C3orf52: variants seen among roughly 807,000 people sequenced by gnomAD.
C3orf52 encodes the protein chromosome 3 open reading frame 52, also known as TPA-induced transmembrane protein.
A neutral mutation model predicts 24.8 loss-of-function variants in C3orf52; 22 were observed. The ratio of observed to expected loss-of-function variants is 0.89; its 90% CI spans 0.63 to 1.27. The LOEUF (loss-of-function observed/expected upper bound fraction) is 1.27. Ranked by LOEUF, C3orf52 falls within the 50% of genes most tolerant of loss-of-function variation. C3orf52 has a pLI of 0.00. For synonymous variants in C3orf52, 93 were observed against 100.2 expected (o/e 0.93, Z 0.43); for missense variants, 265 against 260.7 (o/e 1.02, Z -0.11).
chr3:112,089,978 A>G (rs145829399), intron 1 of C3orf52, among the ~76,000 whole-genome samples: 1 of 152,328 alleles, frequency 6.6e-6, no homozygotes, highest in Non-Finnish European at 1.5e-5. Flanking sequence ...TGCAGTTGCA[A>G]ATATCTCCGG....
intron 4 of C3orf52, chr3:112,126,946 G>C (rs2074334999): frequency 1.5e-6 from 2 of 1,351,680 alleles, no homozygotes; most frequent in Non-Finnish European, 2.1e-6. Context: ...GGAAATGTAA[G>C]TCTTATCAAA....
At chr3:112,092,787 T>C (rs1265282427) in intron 1 of C3orf52, among the ~76,000 whole-genome samples, 2 of 152,312 alleles carry the variant, frequency 1.3e-5, no homozygotes, top group Non-Finnish European at 2.9e-5. Flanking sequence ...CAACCCTTTT[T>C]TACATAGAAC....
At chr3:112,119,001 A>C (rs1177356452), downstream of C3orf52, among the ~76,000 whole-genome samples, 2 of 152,230 alleles carry the variant, frequency 1.3e-5, no homozygotes, top group African/African-American at 2.4e-5. Flanking sequence ...AGAAGACAAC[A>C]ATAAGAAAAG....
chr3:112,094,858 C>T (rs1281105462), intron 2 of C3orf52, among the ~76,000 whole-genome samples: 1 of 152,152 alleles, frequency 6.6e-6, no homozygotes, highest in Non-Finnish European at 1.5e-5. Flanking sequence ...GAGCATGATC[C>T]AGCCTTCATG....
chr3:112,111,953 G>A (rs998841926), intron 4 of C3orf52: 1 of 152,236 alleles, frequency 6.6e-6, no homozygotes, highest in Non-Finnish European at 1.5e-5. Flanking sequence ...CACCTTGTAA[G>A]ATCGAAGAGT....
intron 1 of C3orf52, 119 bp from the exon 2 acceptor site, chr3:112,093,241 T>C: frequency 1.0e-6 from 1 of 957,094 alleles, no homozygotes; most frequent in Non-Finnish European, 1.5e-6. Flanking sequence ...TTCAGTAGAG[T>C]GTTGCCCTAA....
downstream of C3orf52, chr3:112,130,377 C>T: frequency 7.8e-7 from 1 of 1,279,676 alleles, no homozygotes; most frequent in Non-Finnish European, 1.1e-6. Flanking sequence ...GATGTGAAGT[C>T]CAGGGCTTGA....
downstream of C3orf52, chr3:112,129,994 T>C (rs2074413586): frequency 6.3e-6 from 1 of 158,820 alleles, no homozygotes; most frequent in Non-Finnish European, 1.4e-5. Context: ...GAGGTGGTCT[T>C]TGTTTAACAA....
intron 1 of C3orf52, among the ~76,000 whole-genome samples, chr3:112,086,791 A>G (rs2073832073): frequency 6.6e-6 from 1 of 152,114 alleles, no homozygotes; most frequent in Non-Finnish European, 1.5e-5. Flanking sequence ...TAGGAATCCT[A>G]GTGGTGAGGT....
chr3:112,104,530 T>C (rs974914414), intron 3 of C3orf52, among the ~76,000 whole-genome samples: 2 of 152,220 alleles, frequency 1.3e-5, no homozygotes, highest in African/African-American at 4.8e-5. Context: ...TCATTGCTTC[T>C]TTTATCACAG....
intron 2 of C3orf52, 135 bp downstream of exon 2, chr3:112,093,624 A>G: frequency 1.2e-6 from 1 of 821,870 alleles, no homozygotes; most frequent in Non-Finnish European, 1.8e-6. Flanking sequence ...CTTGGAATAT[A>G]TTGTATGGGT....
At chr3:112,087,165 G>A (rs1174755674) in intron 1 of C3orf52, among the ~76,000 whole-genome samples, 1 of 152,070 alleles carries the variant, frequency 6.6e-6, no homozygotes, top group Non-Finnish European at 1.5e-5. Context: ...GAGATGGGGC[G>A]GGCGGGTTAG....
chr3:112,128,285 T>C (rs1398633839), exon 5 of C3orf52: 4 of 675,424 alleles, frequency 5.9e-6, no homozygotes, highest in Non-Finnish European at 1.1e-5. Context: ...TTCTGCTGTG[T>C]TCCCAGCAAA....
At position 112,102,911 on chromosome 3, in the gene C3orf52, G is replaced by T. The variant is rs1233017733; in HGVS notation, c.342G>T (p.Lys114Asn). The change falls in exon 3 of 6, where the codon AAG becomes AAT. Residue 114 changes from lysine to asparagine, a missense_variant. Coordinates refer to ENST00000264848, the MANE Select transcript of C3orf52 (RefSeq NM_024616.3). ...ACAAAACATTCTTCATCATGCTGAA[G>T]ATTCCAGAGGAGTGTGTTGCTGAAG... ...SSNKTFFIML[K>N]IPEECVAEEE... 1 of 1,610,430 alleles carries T rather than the reference G, an allele frequency of 6.2e-7. No homozygotes were observed. Among genetic ancestry groups the T allele is most frequent in the African/African-American group, 1.3e-5 (1 of 74,880 alleles).
intron 1 of C3orf52, among the ~76,000 whole-genome samples, chr3:112,091,873 G>A (rs953376478): frequency 5.3e-5 from 8 of 152,032 alleles, no homozygotes; most frequent in Non-Finnish European, 1.5e-5. Context: ...GCGTGGTGGC[G>A]GGCGCCTGTA....
At chr3:112,123,479 A>G in intron 4 of C3orf52, 1 of 1,613,992 alleles carries the variant, frequency 6.2e-7, no homozygotes, top group Non-Finnish European at 8.5e-7. Context: ...ACTGAGTCTC[A>G]GAAGGGGCCA....
intron 2 of C3orf52, among the ~76,000 whole-genome samples, chr3:112,096,276 T>A (rs879258788): frequency 6.6e-6 from 1 of 152,188 alleles, no homozygotes; most frequent in African/African-American, 2.4e-5. Context: ...AAGAAACATT[T>A]AACAGGGTTT....
intron 4 of C3orf52, chr3:112,126,952 T>C (rs1184471171): frequency 1.4e-6 from 2 of 1,442,620 alleles, no homozygotes; most frequent in Middle Eastern, 1.8e-4. Flanking sequence ...GTAAGTCTTA[T>C]CAAAAGTGAA....
In C3orf52 at chr3:112,086,424, C is replaced by T. The variant is rs762728493; in HGVS notation, c.17C>T (p.Pro6Leu). ...TGCCGGCACATGGACCTGGCCCAACCCTCACAGCCAGTAGACGAGCTGGAG... is the reference window on the plus strand; with the variant it reads ...TGCCGGCACATGGACCTGGCCCAACTCTCACAGCCAGTAGACGAGCTGGAG... MDLAQ[P>L]SQPVDELELS... The change falls in exon 1 of 6, where the codon CCC (proline) becomes CTC (leucine). Residue 6 changes from proline (P) to leucine (L), a missense_variant. Physicochemically the swap from Pro to Leu is moderately conservative, Grantham distance 98 (BLOSUM62 -3). Coordinates refer to ENST00000264848, the MANE Select transcript of C3orf52 (RefSeq NM_024616.3). 324 of 1,550,278 alleles carry T rather than the reference C, an allele frequency of 2.1e-4. No individual in the cohort carries two copies. Among genetic ancestry groups the T allele is most frequent in the Non-Finnish European group, 2.7e-4 (312 of 1,146,264 alleles).
Sources: allele counts gnomAD v4.1 joint callset (sites outside exome capture counted in the v4.1 genomes callset), GRCh38; gene constraint gnomAD v4.1.1; transcripts MANE v1.5; gene names NCBI Gene and HGNC (gene_info 2026-07-23, HGNC 2026-07-21).